GALNT16: variants seen among roughly 807,000 people sequenced by gnomAD.
The protein encoded by GALNT16 is UDP-GalNAc:polypeptide N-acetylgalactosaminyltransferase-like protein 1.
Under a neutral mutation model 76.1 loss-of-function variants are expected in GALNT16, and 40 were observed. The observed-to-expected ratio is 0.53, with a 90% CI of 0.41 to 0.68. GALNT16 has a LOEUF of 0.68. Ranked by LOEUF, GALNT16 falls within the 30% of genes least tolerant of loss-of-function variation. The pLI is 0.00. For missense variants in GALNT16, 621 were observed against 731.9 expected, an observed-to-expected ratio of 0.85 and a Z score of 1.75; for synonymous variants, 276 against 285.2, an observed-to-expected ratio of 0.97 and a Z score of 0.32.
In GALNT16 at chr14:69,352,914, G is replaced by A. The variant is rs1193421023; in HGVS notation, c.*746G>A. Among the ~76,000 whole-genome samples the A allele has an allele frequency of 1.3e-5, 2 of 152,188 alleles. No homozygotes were observed. Among genetic ancestry groups the A allele is most frequent in the Non-Finnish European group, 1.5e-5 (1 of 68,026 alleles). ...TGCCTCTTCCGGTCCTGTGCCTGTG[G>A]GTGCCCACATTCTTAGCAAGAGGCT... On this transcript the variant is annotated 3_prime_UTR_variant, in exon 15 of 15. Coordinates refer to ENST00000448469, the MANE Select transcript of GALNT16 (RefSeq NM_001168368.2).
At chr14:69,264,629 A>G (rs1397080645) in intron 1 of GALNT16, among the ~76,000 whole-genome samples, 1 of 152,020 alleles carries the variant, frequency 6.6e-6, no homozygotes, top group Non-Finnish European at 1.5e-5. Context: ...TGCATTTTGG[A>G]ACTGTGGGAA....
chr14:69,362,125 T>C, the GALNT16 span, among the ~76,000 whole-genome samples: 1 of 152,236 alleles, frequency 6.6e-6, no homozygotes, highest in Non-Finnish European at 1.5e-5. Context: ...ATGGTCTGCC[T>C]TGGGGCCAGG....
Position 69,274,130 on chromosome 14 carries a change from C to T in GALNT16, c.177+13663C>T, listed in dbSNP as rs1392704317. Among the ~76,000 whole-genome samples the T allele has an allele frequency of 2.6e-5, 4 of 152,164 alleles. No individual in the cohort carries two copies. The East Asian group carries it at 5.8e-4, about 22-fold the overall frequency. ...CTGGAAAATGAGGATGCTAGTAATC[C>T]GCGTTTTAGAGGGTTGCTCTGAAGA... On this transcript the variant is annotated intron_variant, in intron 1 of 14. Coordinates refer to ENST00000448469, the MANE Select transcript of GALNT16 (RefSeq NM_001168368.2).
In GALNT16 at chr14:69,313,238, A is replaced by G. The variant is rs112175401; in HGVS notation, c.178-7473A>G. 6.4e-3 allele frequency among the ~76,000 whole-genome samples: 974 copies of G among 152,294 alleles called. 9 individuals are homozygous for G. The highest frequency in any genetic ancestry group is 0.021 in the African/African-American group (869 of 41,554). ...ATCAGGTAGGGCTTTTGTACCCTTCACAGACTCAGAGATGCTTGATTTGCA... is the reference window on the plus strand; with the variant it reads ...ATCAGGTAGGGCTTTTGTACCCTTCGCAGACTCAGAGATGCTTGATTTGCA... On this transcript the variant is annotated intron_variant, in intron 1 of 14. Transcript: ENST00000448469.
At chr14:69,331,429 C>G (rs781007748) in intron 6 of GALNT16, 35 bp from the exon 7 acceptor site, 1 of 1,224,278 alleles carries the variant, frequency 8.2e-7, no homozygotes, top group Admixed American at 1.7e-5. Context: ...GCAGAGAAGT[C>G]CCAGGCCTCA....
intron 13 of GALNT16, 56 bp from the exon 14 acceptor site, chr14:69,347,821 T>C: frequency 6.3e-7 from 1 of 1,596,072 alleles, no homozygotes; most frequent in Non-Finnish European, 8.5e-7. Flanking sequence ...TATCTACCCA[T>C]CTCTCCACCC....
chr14:69,380,505 C>A, the GALNT16 span: 1 of 920,706 alleles, frequency 1.1e-6, no homozygotes, highest in Non-Finnish European at 1.8e-6. Context: ...GTGTTCCAAG[C>A]CCACCCCAAC....
At chr14:69,367,269 C>G in the GALNT16 span, among the ~76,000 whole-genome samples, 2,081 of 152,044 alleles carry the variant, frequency 0.014, 49 homozygotes, top group African/African-American at 0.046. Context: ...GCTCCACCCC[C>G]GCAAACTCAT....
chr14:69,367,979 G>A, the GALNT16 span, among the ~76,000 whole-genome samples: 1 of 151,742 alleles, frequency 6.6e-6, no homozygotes, highest in African/African-American at 2.4e-5. Flanking sequence ...CAACAGAACG[G>A]GATCCAATCT....
At chr14:69,296,691 TCAA>T (rs1419009968) in intron 1 of GALNT16, among the ~76,000 whole-genome samples, 15 of 150,916 alleles carry the variant, frequency 9.9e-5, no homozygotes, top group African/African-American at 3.2e-4. Flanking sequence ...AGACCCTGTC[TCAA>T]CACAAAATAA....
Position 69,325,984 on chromosome 14 carries a change from C to G in GALNT16, c.525C>G (p.Thr175=), listed in dbSNP as rs777381613. ...SSDPEDCLLL[T]RIPKVKCLRN... ...CAGCGGAAGACTGTCTACTCCTGACCAGGATCCCCAAGGTCAAGTGCCTGC... is the reference window on the plus strand; with the variant it reads ...CAGCGGAAGACTGTCTACTCCTGACGAGGATCCCCAAGGTCAAGTGCCTGC... The change falls in exon 5 of 15, where the codon ACC becomes ACG. Residue 175 remains threonine, a synonymous_variant. Coordinates refer to ENST00000448469, the MANE Select transcript of GALNT16 (RefSeq NM_001168368.2). The G allele has an allele frequency of 2.5e-6, 4 of 1,613,948 alleles. No individual in the cohort carries two copies. Among genetic ancestry groups the G allele is most frequent in the African/African-American group, 1.3e-5 (1 of 74,914 alleles).
At chr14:69,340,415 C>T (rs547062102) in intron 11 of GALNT16, among the ~76,000 whole-genome samples, 10 of 152,154 alleles carry the variant, frequency 6.6e-5, no homozygotes, top group African/African-American at 1.7e-4. Context: ...CTACACATCA[C>T]GTCATTTGCA....
At chr14:69,314,356 C>T (rs1394138558) in intron 1 of GALNT16, among the ~76,000 whole-genome samples, 1 of 152,254 alleles carries the variant, frequency 6.6e-6, no homozygotes, top group South Asian at 2.1e-4. Context: ...GTAAGAACTG[C>T]CATTCTATAC....
At chr14:69,277,639 T>A (rs1348276280) in intron 1 of GALNT16, among the ~76,000 whole-genome samples, 1 of 152,234 alleles carries the variant, frequency 6.6e-6, no homozygotes, top group African/African-American at 2.4e-5. Context: ...GACATTTGGG[T>A]TGGTTCCAAG....
Position 69,269,487 on chromosome 14 carries a change from G to A in GALNT16, c.177+9020G>A, listed in dbSNP as rs374800909. Among the ~76,000 whole-genome samples, 1,340 of 149,694 alleles carry A rather than the reference G, an allele frequency of 9.0e-3. 26 individuals carry two copies. The highest frequency in any genetic ancestry group is 0.031 in the African/African-American group (1,281 of 41,078). The stretch of plus-strand genomic sequence containing the variant: ...TGTGTATGTGTGTGTAGTATGTGAT[G>A]TGTGTGTGTGGCATTTGTGTGTGTG... On this transcript the variant is annotated intron_variant, in intron 1 of 14. Transcript: ENST00000448469.
intron 1 of GALNT16, among the ~76,000 whole-genome samples, chr14:69,299,382 A>G (rs2044815066): frequency 2.6e-5 from 4 of 152,190 alleles, no homozygotes; most frequent in African/African-American, 9.7e-5. Context: ...GTTTGCATGC[A>G]GCAAGTTTAT....
the GALNT16 span, chr14:69,380,629 T>C: frequency 6.2e-7 from 1 of 1,606,366 alleles, no homozygotes; most frequent in Non-Finnish European, 8.5e-7. Context: ...TGTCTGGGTA[T>C]CAGCTCGGTA....
rs571084496 is a variant in GALNT16, at chr14:69,342,474, AAGGGAGGGAGGGAGGGAGGG to A, written c.1271+726_1271+745del. ...GGGAGGGAAGGTGGAAGAAGGAAGGAAGGGAGGGAGGGAGGGAGGGAGGGAGGGAGGGAGGAAGGAAGGGG... is the reference window on the plus strand; with the variant it reads ...GGGAGGGAAGGTGGAAGAAGGAAGGAAGGGAGGGAGGGAGGAAGGAAGGGG... On this transcript the variant is annotated intron_variant, in intron 12 of 14. Coordinates refer to ENST00000448469, the MANE Select transcript of GALNT16 (RefSeq NM_001168368.2). Among the ~76,000 whole-genome samples, 94 of 31,530 alleles carry A rather than the reference AAGGGAGGGAGGGAGGGAGGG, an allele frequency of 3.0e-3. 1 individual carries two copies. The highest frequency in any genetic ancestry group is 9.8e-3 in the Admixed American group (26 of 2,658). 20.7% of individuals were successfully genotyped at this position (31,530 alleles called of 152,430 possible).
chr14:69,334,565 T>C (rs1488887932), intron 9 of GALNT16, among the ~76,000 whole-genome samples: 1 of 152,094 alleles, frequency 6.6e-6, no homozygotes, highest in East Asian at 1.9e-4. Flanking sequence ...GAGGGAACCA[T>C]AGGGACAGCA....
Sources: gnomAD v4.1 joint callset for allele counts (sites outside exome capture counted in the v4.1 genomes callset) on GRCh38, gnomAD v4.1.1 for gene constraint, MANE v1.5 for transcripts, NCBI Gene and HGNC (gene_info 2026-07-23, HGNC 2026-07-21) for gene names.